The following EXOC6B variants were observed in gnomAD, a reference collection of about 807,000 sequenced individuals.
The protein encoded by EXOC6B is exocyst complex component 6B, also known as SEC15 homolog B.
In EXOC6B, 54 loss-of-function variants were observed where a neutral mutation model predicts 113.5. That is an observed-to-expected ratio of 0.48 (90% CI 0.38 to 0.60). The LOEUF (loss-of-function observed/expected upper bound fraction) is 0.60. Ranked by LOEUF, EXOC6B falls within the 20% of genes least tolerant of loss-of-function variation. The pLI, the probability that EXOC6B is intolerant of heterozygous loss-of-function variation, is 0.00. For missense variants in EXOC6B, 797 were observed against 977.5 expected (o/e 0.82, Z 2.46); for synonymous variants, 357 against 339.0 (o/e 1.05, Z -0.58).
Position 72,825,950 on chromosome 2 carries a change from C to A in EXOC6B, c.-40G>T, listed in dbSNP as rs1401900343. On this transcript the variant is annotated 5_prime_UTR_variant, in exon 1 of 22. Coordinates refer to ENST00000272427, the MANE Select transcript of EXOC6B (RefSeq NM_015189.3). This position sits in a 1 kb window ranked among gnomAD's most constrained non-coding sequence, Gnocchi z 4.4. ...CCGCAGCGCGTCCCCTCCGTCGGCTCGGCTCACCTTTTCCCTGCCCCACAA... is the reference window on the plus strand; with the variant it reads ...CCGCAGCGCGTCCCCTCCGTCGGCTAGGCTCACCTTTTCCCTGCCCCACAA... The A allele has an allele frequency of 6.2e-7, 1 of 1,605,274 alleles. No homozygotes were observed. Among genetic ancestry groups the A allele is most frequent in the African/African-American group, 1.3e-5 (1 of 75,012 alleles).
intron 1 of EXOC6B, among the ~76,000 whole-genome samples, chr2:72,751,533 C>T (rs779365164): frequency 6.6e-6 from 1 of 151,864 alleles, no homozygotes; most frequent in African/African-American, 2.4e-5. Flanking sequence ...TGCCCTTGAC[C>T]GAGAGGAAGG....
Position 72,184,155 on chromosome 2 carries a change from T to G in EXOC6B, c.2229A>C (p.Ser743=). ...GCTGACCATAGTCAGCAAGGTAGGTTGACCAATCCCACTGGATGAAAAGAT... is the reference window on the plus strand; with the variant it reads ...GCTGACCATAGTCAGCAAGGTAGGTGGACCAATCCCACTGGATGAAAAGAT... ...LLDLFIQWDW[S]TYLADYGQPN... Residue 743 remains serine, a synonymous_variant, in exon 21 of 22, where the codon TCA becomes TCC. Coordinates refer to ENST00000272427, the MANE Select transcript of EXOC6B (RefSeq NM_015189.3). 2 of 1,559,536 alleles carry G rather than the reference T, an allele frequency of 1.3e-6. No individual in the cohort carries two copies. Among genetic ancestry groups the G allele is most frequent in the Non-Finnish European group, 1.7e-6 (2 of 1,150,892 alleles).
chr2:72,657,605 T>C (rs1229871303), intron 6 of EXOC6B, among the ~76,000 whole-genome samples: 2 of 141,926 alleles, frequency 1.4e-5, no homozygotes, highest in East Asian at 4.0e-4. Flanking sequence ...GTGGAGCTTT[T>C]GAGCAATTCT....
In EXOC6B at chr2:72,485,688, G is replaced by A. The variant is rs970573397; in HGVS notation, c.1666-4938C>T. Among the ~76,000 whole-genome samples the A allele has an allele frequency of 3.0e-4, 45 of 152,292 alleles. 1 individual carries two copies. The highest frequency in any genetic ancestry group is 8.2e-4 in the African/African-American group (34 of 41,562). ...CTTAAGTACAAAACATTTTAACAAC[G>A]TGAGCAATATCACTTCTGTTAACAA... On this transcript the variant is annotated intron_variant, in intron 16 of 21. Transcript: ENST00000272427.
At chr2:72,464,005 A>G (rs1252841942) in intron 18 of EXOC6B, 1 of 152,194 alleles carries the variant, frequency 6.6e-6, no homozygotes, top group African/African-American at 2.4e-5. Context: ...AGTCTCTTTT[A>G]TAAGTATACT....
chr2:72,738,881 C>A (rs1386126938), intron 2 of EXOC6B, among the ~76,000 whole-genome samples: 1 of 152,114 alleles, frequency 6.6e-6, no homozygotes, highest in African/African-American at 2.4e-5. Context: ...GAGGCTGAGG[C>A]ATAAGGCACA....
intron 2 of EXOC6B, among the ~76,000 whole-genome samples, chr2:72,739,710 A>T (rs1421758387): frequency 6.6e-6 from 1 of 152,150 alleles, no homozygotes; most frequent in East Asian, 1.9e-4. Flanking sequence ...TAAGGAAAAG[A>T]CCTAACTTAC....
At chr2:72,463,954 C>T (rs74826872) in intron 18 of EXOC6B, 6 of 152,164 alleles carry the variant, frequency 3.9e-5, no homozygotes, top group East Asian at 1.9e-4. Flanking sequence ...CCTGTATCCC[C>T]GTATCCTCAC....
At chr2:72,342,421 G>T (rs1163831625) in intron 19 of EXOC6B, among the ~76,000 whole-genome samples, 2 of 152,050 alleles carry the variant, frequency 1.3e-5, no homozygotes, top group Admixed American at 6.6e-5. Context: ...TGACTATTGG[G>T]TATATGAAAT....
chr2:72,338,962 C>T (rs1216955633), intron 19 of EXOC6B, among the ~76,000 whole-genome samples: 3 of 141,860 alleles, frequency 2.1e-5, no homozygotes, highest in African/African-American at 8.1e-5. Context: ...TACACATACA[C>T]ATACATACAC....
intron 6 of EXOC6B, among the ~76,000 whole-genome samples, chr2:72,650,894 C>CA (rs1178939498): frequency 4.1e-5 from 6 of 146,326 alleles, no homozygotes; most frequent in Admixed American, 1.4e-4. Context: ...AAAAAAAAAA[C>CA]AAAAAAACAA....
chr2:72,617,517 CTTTTT>C (rs201912352), intron 6 of EXOC6B, among the ~76,000 whole-genome samples: 7 of 96,952 alleles, frequency 7.2e-5, no homozygotes, highest in Non-Finnish European at 1.2e-4. Flanking sequence ...AATCTTTTTT[CTTTTT>C]TTTTTTTTTT....
intron 20 of EXOC6B, among the ~76,000 whole-genome samples, chr2:72,253,185 T>G (rs1364741288): frequency 6.6e-6 from 1 of 152,024 alleles, no homozygotes; most frequent in Admixed American, 6.6e-5. Flanking sequence ...TACTAGAAAG[T>G]CAAAAAATAA....
At position 72,718,305 on chromosome 2, in the gene EXOC6B, T is replaced by C. The variant is rs1207250231; in HGVS notation, c.467A>G (p.His156Arg). The C allele has an allele frequency of 1.2e-6, 2 of 1,613,334 alleles. No homozygotes were observed. Among genetic ancestry groups the C allele is most frequent in the Non-Finnish European group, 1.7e-6 (2 of 1,179,514 alleles). ...TTCCAGAGTTTTCAGTGCAGGATAATGCCTACAAAAGGAATTGATCACCTT... is the reference window on the plus strand; with the variant it reads ...TTCCAGAGTTTTCAGTGCAGGATAACGCCTACAAAAGGAATTGATCACCTT... Reference protein sequence around the residue: ...KLRDQMKTKRHYPALKTLEHL... With the variant: ...KLRDQMKTKRRYPALKTLEHL... Residue 156 changes from histidine to arginine, a missense_variant and splice_region_variant, in exon 6 of 22, where the codon CAT becomes CGT. Coordinates refer to ENST00000272427, the MANE Select transcript of EXOC6B (RefSeq NM_015189.3).
intron 8 of EXOC6B, among the ~76,000 whole-genome samples, chr2:72,557,447 T>C (rs1703622556): frequency 6.6e-6 from 1 of 152,070 alleles, no homozygotes; most frequent in Admixed American, 6.6e-5. Flanking sequence ...TTATATAACA[T>C]GAATGGTACA....
At chr2:72,410,999 A>C (rs1323942475) in intron 18 of EXOC6B, among the ~76,000 whole-genome samples, 1 of 152,176 alleles carries the variant, frequency 6.6e-6, no homozygotes, top group Admixed American at 6.5e-5. Flanking sequence ...GCCTGAGCTC[A>C]AGAGTTCAAG....
chr2:72,379,189 T>C (rs1691534492), intron 19 of EXOC6B, among the ~76,000 whole-genome samples: 1 of 152,190 alleles, frequency 6.6e-6, no homozygotes, highest in Admixed American at 6.5e-5. Context: ...GGGTCCATAA[T>C]GACATCACTG....
chr2:72,708,036 T>C (rs1679001511), intron 6 of EXOC6B, among the ~76,000 whole-genome samples: 1 of 152,016 alleles, frequency 6.6e-6, no homozygotes, highest in Non-Finnish European at 1.5e-5. Context: ...CACTTGACTC[T>C]ACAAAATATT....
intron 18 of EXOC6B, among the ~76,000 whole-genome samples, chr2:72,430,477 A>G (rs1461368545): frequency 6.6e-6 from 1 of 152,162 alleles, no homozygotes; most frequent in Admixed American, 6.5e-5. Context: ...CTTACTAAAA[A>G]TACAAATAAA....
Sources: gnomAD v4.1 joint callset for allele counts (sites outside exome capture counted in the v4.1 genomes callset) on GRCh38, gnomAD v4.1.1 for gene constraint, Gnocchi (gnomAD v3.1) non-coding constraint, MANE v1.5 for transcripts, NCBI Gene and HGNC (gene_info 2026-07-23, HGNC 2026-07-21) for gene names.